Variants in SDR42E2 observed in about 807,000 individuals in gnomAD.
The protein encoded by SDR42E2 is short chain dehydrogenase/reductase family 42E, member 2.
In SDR42E2, 20 loss-of-function variants were observed where a neutral mutation model predicts 10.5. The observed-to-expected ratio is 1.90, with a 90% CI of 1.34 to 2.77. The LOEUF is 2.77. Ranked by LOEUF, SDR42E2 falls within the 30% of genes most tolerant of loss-of-function variation. SDR42E2 has a pLI of 0.00. For synonymous variants in SDR42E2, 72 were observed against 39.2 expected (o/e 1.84, Z -3.12); for missense variants, 162 against 104.2 (o/e 1.55, Z -2.42).
chr16:22,184,778 C>G (rs2046724334), intron 11 of SDR42E2, among the ~76,000 whole-genome samples: 1 of 152,178 alleles, frequency 6.6e-6, no homozygotes, highest in African/African-American at 2.4e-5. Context: ...AGGTGTCTCA[C>G]TTCCCTCACC....
At chr16:22,190,093 C>G in intron 12 of SDR42E2, 46 bp from the exon 13 acceptor site, 1 of 400,952 alleles carries the variant, frequency 2.5e-6, no homozygotes, top group East Asian at 3.6e-5. Flanking sequence ...AGAGGATGTC[C>G]TCCTCCCACG....
chr16:22,188,523 A>C (rs2046750468), intron 12 of SDR42E2, among the ~76,000 whole-genome samples: 1 of 152,188 alleles, frequency 6.6e-6, no homozygotes, highest in Non-Finnish European at 1.5e-5. Flanking sequence ...CCTGCCCGTG[A>C]TCACTCACTT....
intron 12 of SDR42E2, among the ~76,000 whole-genome samples, chr16:22,189,461 T>C (rs1203922634): frequency 6.6e-6 from 1 of 152,098 alleles, no homozygotes; most frequent in Non-Finnish European, 1.5e-5. Flanking sequence ...GAGGATTAAA[T>C]GAGGTAGGGC....
At chr16:22,172,462 T>C (rs2046609904) in intron 7 of SDR42E2, 131 bp downstream of exon 7, 1 of 665,796 alleles carries the variant, frequency 1.5e-6, no homozygotes, top group South Asian at 1.6e-5. Context: ...TCCCAGGGCC[T>C]TGCCCATTCA....
intron 7 of SDR42E2, among the ~76,000 whole-genome samples, chr16:22,173,020 A>AACT (rs2046613794): frequency 6.6e-6 from 1 of 152,022 alleles, no homozygotes; most frequent in Non-Finnish European, 1.5e-5. Context: ...GCCTCAAGTG[A>AACT]TCTTCCTGCC....
At chr16:22,167,165 A>ATTTTTGT (rs1567237172) in intron 4 of SDR42E2, among the ~76,000 whole-genome samples, 166 bp downstream of exon 4, 1 of 37,722 alleles carries the variant, frequency 2.7e-5, no homozygotes, top group African/African-American at 1.5e-4. Flanking sequence ...CAGTTCTGCC[A>ATTTTTGT]TTTTTTTTTT....
intron 1 of SDR42E2, among the ~76,000 whole-genome samples, chr16:22,165,200 GC>G (rs2046524747): frequency 1.3e-5 from 2 of 152,130 alleles, no homozygotes; most frequent in Admixed American, 6.6e-5. Context: ...CAATTCTTGT[GC>G]TTCAGTCTCC....
At chr16:22,168,282 T>A (rs1447911560) in intron 4 of SDR42E2, among the ~76,000 whole-genome samples, 2 of 151,890 alleles carry the variant, frequency 1.3e-5, no homozygotes, top group Non-Finnish European at 2.9e-5. Context: ...TTATTTATTT[T>A]TGAGACGGAG....
In SDR42E2 at chr16:22,169,457, C is replaced by T; in HGVS notation, c.349C>T (p.Gln117Ter). The T allele has an allele frequency of 1.4e-6, 1 of 703,584 alleles. No homozygotes were observed. The highest frequency in any genetic ancestry group is 2.6e-6 in the Non-Finnish European group (1 of 385,136). 43.6% of individuals were successfully genotyped at this position (703,584 alleles called of 1,614,324 possible). Residue 117 changes from glutamine to a stop codon, truncating the protein, a stop_gained, in exon 5 of 13, where the codon CAG becomes TAG. Coordinates refer to ENST00000602312, the MANE Select transcript of SDR42E2 (RefSeq NM_001394319.2). LOFTEE classifies it high-confidence loss of function. Reference sequence around the variant, plus strand: ...TCTTGTCTTTTAGCTGCAGAAAGAGCAGATTGAGTCTATAAATGTTGGAGG... The same window carrying T: ...TCTTGTCTTTTAGCTGCAGAAAGAGTAGATTGAGTCTATAAATGTTGGAGG... The part of the protein sequence containing the change: ...MSGAEKLQKE[Q>*]IESINVGGTK...
intron 9 of SDR42E2, 35 bp downstream of exon 9, chr16:22,181,691 C>A: frequency 1.4e-6 from 1 of 699,052 alleles, no homozygotes; most frequent in South Asian, 1.5e-5. Context: ...CCACCTTCCC[C>A]ACAGGGCTGC....
chr16:22,178,068 C>G, intron 7 of SDR42E2, 62 bp from the exon 8 acceptor site: 2 of 682,564 alleles, frequency 2.9e-6, no homozygotes, highest in South Asian at 3.1e-5. Context: ...GGTGGCCTCT[C>G]TCTCCCTCTC....
In SDR42E2 at chr16:22,169,512, CA is replaced by C. The variant is rs1567238329; in HGVS notation, c.394+11del. 1.4e-6 allele frequency: 1 copy of C among 703,480 alleles called. No homozygotes were observed. Among genetic ancestry groups the C allele is most frequent in the Non-Finnish European group, 2.6e-6 (1 of 385,114 alleles). The allele number at this position is 703,480 out of a possible 1,614,324, so 43.6% of individuals were successfully genotyped here. On this transcript the variant is annotated intron_variant, in intron 5 of 12. Transcript: ENST00000602312. ...AAACTAGTGATTGATGGTAGGTGCT[CA>C]GAGCCGGGTATGACCTGCTGTGCCT... is the stretch of plus-strand genomic sequence containing the variant.
At chr16:22,170,033 A>AAAAT (rs937735490) in intron 5 of SDR42E2, among the ~76,000 whole-genome samples, 2 of 149,642 alleles carry the variant, frequency 1.3e-5, no homozygotes, top group Admixed American at 6.7e-5. Flanking sequence ...ACTCCATCTC[A>AAAAT]AAATAAATAA....
At chr16:22,176,283 TA>T (rs963833031) in intron 7 of SDR42E2, among the ~76,000 whole-genome samples, 62 of 152,276 alleles carry the variant, frequency 4.1e-4, no homozygotes, top group Non-Finnish European at 7.8e-4. Flanking sequence ...GGTGCCTGGC[TA>T]ATTTTTTTTT....
At chr16:22,179,524 T>C (rs1158539723) in intron 8 of SDR42E2, among the ~76,000 whole-genome samples, 1 of 152,094 alleles carries the variant, frequency 6.6e-6, no homozygotes, top group African/African-American at 2.4e-5. Flanking sequence ...TTATAAGGTA[T>C]GTTCAGGCCA....
intron 4 of SDR42E2, among the ~76,000 whole-genome samples, 161 bp from the exon 5 acceptor site, chr16:22,169,284 T>C (rs1237904795): frequency 6.6e-6 from 1 of 152,062 alleles, no homozygotes; most frequent in African/African-American, 2.4e-5. Context: ...AGGAAGATGG[T>C]GGCAGAGCCA....
At chr16:22,188,094 TA>T (rs58432279) in intron 12 of SDR42E2, among the ~76,000 whole-genome samples, 844 of 138,728 alleles carry the variant, frequency 6.1e-3, no homozygotes, top group Middle Eastern at 0.011. Flanking sequence ...AGACTCCATC[TA>T]AAAAAAAAAA....
At chr16:22,187,962 G>A (rs2046746975) in intron 12 of SDR42E2, among the ~76,000 whole-genome samples, 2 of 152,002 alleles carry the variant, frequency 1.3e-5, no homozygotes, top group Non-Finnish European at 2.9e-5. Context: ...TGGGTGTGGT[G>A]GCACATACCT....
Position 22,190,678 on chromosome 16 carries a change from G to A in SDR42E2, c.*285G>A, listed in dbSNP as rs2046768683. 2 of 350,694 alleles carry A rather than the reference G, an allele frequency of 5.7e-6. No homozygotes were observed. The highest frequency in any genetic ancestry group is 5.1e-5 in the Admixed American group (1 of 19,768). 21.7% of individuals were successfully genotyped at this position (350,694 alleles called of 1,614,324 possible). Reference sequence around the variant, plus strand: ...CGCCCTCCGAAGTGGGCACGCTCCTGCTCCGCCCCCTGAATCCTGGCCACG... The same window carrying A: ...CGCCCTCCGAAGTGGGCACGCTCCTACTCCGCCCCCTGAATCCTGGCCACG... On this transcript the variant is annotated 3_prime_UTR_variant, in exon 13 of 13. Transcript: ENST00000602312.
Sources: allele counts gnomAD v4.1 joint callset (sites outside exome capture counted in the v4.1 genomes callset), GRCh38; gene constraint gnomAD v4.1.1; transcripts MANE v1.5; gene names NCBI Gene and HGNC (gene_info 2026-07-23, HGNC 2026-07-21).